The following PTPRT variants were observed in gnomAD, a reference collection of about 807,000 sequenced individuals.
PTPRT encodes protein tyrosine phosphatase receptor type T.
In PTPRT, 56 loss-of-function variants were observed where a neutral mutation model predicts 176.8. That is an observed-to-expected ratio of 0.32 (90% CI 0.26 to 0.40). The LOEUF is 0.40. Ranked by LOEUF, PTPRT falls within the 10% of genes least tolerant of loss-of-function variation. The pLI, the probability that PTPRT is intolerant of heterozygous loss-of-function variation, is 1.00. For synonymous variants in PTPRT, 783 were observed against 739.0 expected (o/e 1.06, Z -0.96); for missense variants, 1,540 against 1,908.2 (o/e 0.81, Z 3.60).
intron 3 of PTPRT, among the ~76,000 whole-genome samples, chr20:42,786,067 A>G (rs1336573514): frequency 1.3e-5 from 2 of 152,100 alleles, no homozygotes; most frequent in African/African-American, 4.8e-5. Context: ...TAAGTGTTTG[A>G]CAGTTCCTCC....
At chr20:42,324,241 T>C (rs1240523081) in intron 11 of PTPRT, among the ~76,000 whole-genome samples, 1 of 152,176 alleles carries the variant, frequency 6.6e-6, no homozygotes, top group Non-Finnish European at 1.5e-5. Flanking sequence ...CAAAACATTA[T>C]GCTAAATGAG....
At position 42,903,509 on chromosome 20, in the gene PTPRT, G is replaced by A. The variant is rs547129154; in HGVS notation, c.89-17577C>T. Among the ~76,000 whole-genome samples the A allele has an allele frequency of 4.8e-4, 73 of 152,318 alleles. 1 individual carries two copies. In the South Asian group the frequency reaches 9.7e-3, roughly 20 times the overall value. On this transcript the variant is annotated intron_variant, in intron 1 of 30. Coordinates refer to ENST00000373187, the MANE Select transcript of PTPRT (RefSeq NM_007050.6). The stretch of plus-strand genomic sequence containing the variant: ...ATTAAACTCGATAATAGCATCCGGC[G>A]TTCTATAAATCACCAAACTGGTAAT...
At chr20:42,516,809 T>C (rs1185010724) in intron 7 of PTPRT, among the ~76,000 whole-genome samples, 1 of 152,194 alleles carries the variant, frequency 6.6e-6, no homozygotes. Context: ...TTTCTTATTA[T>C]AGAAACATTG....
intron 15 of PTPRT, among the ~76,000 whole-genome samples, chr20:42,202,360 T>C (rs899832449): frequency 1.3e-5 from 2 of 152,134 alleles, no homozygotes; most frequent in African/African-American, 4.8e-5. Context: ...TTTTTTTAAG[T>C]TGGCTCGGGG....
intron 1 of PTPRT, among the ~76,000 whole-genome samples, chr20:43,148,128 C>A (rs560828557): frequency 1.2e-4 from 18 of 152,252 alleles, no homozygotes; most frequent in Admixed American, 4.6e-4. Flanking sequence ...GTGGGGGGAT[C>A]TGCCTCCATG....
intron 1 of PTPRT, among the ~76,000 whole-genome samples, chr20:43,146,105 T>G (rs1195241742): frequency 2.0e-5 from 3 of 152,200 alleles, no homozygotes; most frequent in African/African-American, 7.2e-5. Flanking sequence ...AAAGTCGATT[T>G]TAATAACTAC....
chr20:42,795,173 C>T (rs868234672), intron 2 of PTPRT, among the ~76,000 whole-genome samples: 3 of 123,918 alleles, frequency 2.4e-5, no homozygotes, highest in African/African-American at 7.8e-5. Context: ...ACATTCTTTT[C>T]CCTTCTCCCT....
chr20:43,098,345 T>G (rs1263423713), intron 1 of PTPRT, among the ~76,000 whole-genome samples: 1 of 152,154 alleles, frequency 6.6e-6, no homozygotes, highest in African/African-American at 2.4e-5. Flanking sequence ...GACTCAACCC[T>G]TCTGCCTCAG....
chr20:43,145,922 T>A (rs2014153642), intron 1 of PTPRT, among the ~76,000 whole-genome samples: 1 of 152,228 alleles, frequency 6.6e-6, no homozygotes, highest in Non-Finnish European at 1.5e-5. Context: ...GTCTGTTGAT[T>A]AAAGATCATT....
intron 16 of PTPRT, among the ~76,000 whole-genome samples, chr20:42,197,007 C>G (rs1478650769): frequency 6.6e-6 from 1 of 151,910 alleles, no homozygotes; most frequent in East Asian, 1.9e-4. Flanking sequence ...AAATGTGTAA[C>G]CTGAATGTTA....
At chr20:42,252,187 T>C (rs1179949682) in intron 13 of PTPRT, among the ~76,000 whole-genome samples, 1 of 152,178 alleles carries the variant, frequency 6.6e-6, no homozygotes, top group Non-Finnish European at 1.5e-5. Flanking sequence ...ATGGTGGTAA[T>C]GTTTACGGGT....
chr20:42,104,414 A>C (rs1237775843), intron 25 of PTPRT, among the ~76,000 whole-genome samples, 155 bp downstream of exon 25: 2 of 152,202 alleles, frequency 1.3e-5, no homozygotes, highest in Non-Finnish European at 2.9e-5. Context: ...AGCCCTCCCC[A>C]GACACTGGAT....
chr20:42,717,276 A>T (rs2076239545), intron 6 of PTPRT, among the ~76,000 whole-genome samples: 1 of 104,734 alleles, frequency 9.5e-6, no homozygotes, highest in African/African-American at 3.4e-5. Flanking sequence ...AACAATTAAG[A>T]CAACAAGACA....
At chr20:42,866,713 C>T (rs569871687) in intron 2 of PTPRT, among the ~76,000 whole-genome samples, 42 of 152,294 alleles carry the variant, frequency 2.8e-4, no homozygotes, top group Middle Eastern at 3.4e-3. Flanking sequence ...TGCCACATGA[C>T]CATGGTATCC....
intron 16 of PTPRT, among the ~76,000 whole-genome samples, chr20:42,166,852 T>C (rs1056640194): frequency 3.4e-5 from 5 of 147,786 alleles, no homozygotes; most frequent in Admixed American, 1.4e-4. Context: ...ACCAGGGAGG[T>C]GGAAGTTGCA....
At chr20:43,047,026 T>G (rs1038504954) in intron 1 of PTPRT, among the ~76,000 whole-genome samples, 7 of 152,138 alleles carry the variant, frequency 4.6e-5, no homozygotes, top group African/African-American at 1.7e-4. Context: ...TTTCATCAAG[T>G]TAAAGATCAT....
intron 1 of PTPRT, among the ~76,000 whole-genome samples, chr20:43,016,442 C>T (rs920730658): frequency 1.3e-5 from 2 of 151,866 alleles, no homozygotes; most frequent in African/African-American, 2.4e-5. Context: ...CTTTCCTTTC[C>T]CTGCCTGCAT....
intron 1 of PTPRT, among the ~76,000 whole-genome samples, chr20:43,094,724 T>C (rs2012054790): frequency 6.6e-6 from 1 of 152,090 alleles, no homozygotes; most frequent in Non-Finnish European, 1.5e-5. Context: ...ACCTTAGGTG[T>C]TTATTGTTTG....
intron 12 of PTPRT, among the ~76,000 whole-genome samples, chr20:42,306,978 A>G (rs1045874111): frequency 6.6e-6 from 1 of 152,202 alleles, no homozygotes; most frequent in East Asian, 1.9e-4. Context: ...TCTGAGACAC[A>G]GCAGATGCTC....
Sources: gnomAD v4.1 joint callset for allele counts (sites outside exome capture counted in the v4.1 genomes callset) on GRCh38, gnomAD v4.1.1 for gene constraint, MANE v1.5 for transcripts, NCBI Gene and HGNC (gene_info 2026-07-23, HGNC 2026-07-21) for gene names.